LIX1: variants seen among roughly 807,000 people sequenced by gnomAD.
The protein encoded by LIX1 is protein limb expression 1 homolog.
Under a neutral mutation model 33.4 loss-of-function variants are expected in LIX1, and 24 were observed. That is an observed-to-expected ratio of 0.72 (90% CI 0.52 to 1.01). The LOEUF (loss-of-function observed/expected upper bound fraction) is 1.01. Among genes scored for constraint, LIX1 ranks in the 50% least tolerant of loss-of-function variants. The pLI, the probability that LIX1 is intolerant of heterozygous loss-of-function variation, is 0.00. For synonymous variants in LIX1, 124 were observed against 124.0 expected (o/e 1.00, Z 0.00); for missense variants, 311 against 339.2 (o/e 0.92, Z 0.65).
At chr5:97,141,748 A>G (rs569522740) in intron 1 of LIX1, among the ~76,000 whole-genome samples, 1 of 152,362 alleles carries the variant, frequency 6.6e-6, no homozygotes, top group African/African-American at 2.4e-5. Context: ...AAGATACAAC[A>G]TGAAGATAGT....
At chr5:97,111,118 T>C (rs1299418421) in intron 2 of LIX1, among the ~76,000 whole-genome samples, 1 of 152,148 alleles carries the variant, frequency 6.6e-6, no homozygotes, top group Non-Finnish European at 1.5e-5. Context: ...CACTGCAGTG[T>C]AACTGTTTGC....
intron 1 of LIX1, among the ~76,000 whole-genome samples, chr5:97,135,620 A>G (rs759459364): frequency 5.9e-5 from 9 of 152,222 alleles, no homozygotes; most frequent in Non-Finnish European, 1.0e-4. Flanking sequence ...GGAGTTTGAG[A>G]CCAGACTGGC....
At chr5:97,105,370 A>G in intron 3 of LIX1, 85 bp from the exon 4 acceptor site, 2 of 1,141,418 alleles carry the variant, frequency 1.8e-6, no homozygotes, top group Non-Finnish European at 2.6e-6. Flanking sequence ...GTGACCACAC[A>G]GTAAGCCTAT....
intron 1 of LIX1, among the ~76,000 whole-genome samples, chr5:97,136,064 A>G (rs186598016): frequency 2.3e-4 from 35 of 152,320 alleles, no homozygotes; most frequent in Non-Finnish European, 4.3e-4. Flanking sequence ...CAAGGCACAG[A>G]GTTTGGCTCT....
chr5:97,127,353 T>C (rs1220069435), intron 1 of LIX1, among the ~76,000 whole-genome samples: 1 of 152,204 alleles, frequency 6.6e-6, no homozygotes. Context: ...AGGTATGCAC[T>C]AAGTCGATTT....
rs1408074539 is a variant in LIX1, at chr5:97,105,218, T to C, written c.455A>G (p.Asn152Ser). 12 of 1,614,128 alleles carry C rather than the reference T, an allele frequency of 7.4e-6. No homozygotes were observed. The highest frequency in any genetic ancestry group is 9.3e-6 in the Non-Finnish European group (11 of 1,179,970). The change falls in exon 4 of 6, where the codon AAC (asparagine) becomes AGC (serine). Residue 152 changes from asparagine to serine, a missense_variant. Asn to Ser is a conservative substitution (Grantham distance 46, BLOSUM62 1). Transcript: ENST00000274382. ...AAACTCCAGCATAGTCTTCCCCATG[T>C]TTGACTCCAGCATGTAGTGATAGGC... ...VGAYHYMLES[N>S]MGKTMLEFQE...
chr5:97,130,256 C>T (rs933147376), intron 1 of LIX1, among the ~76,000 whole-genome samples: 17 of 152,360 alleles, frequency 1.1e-4, no homozygotes, highest in Non-Finnish European at 2.1e-4. Flanking sequence ...AGCCTTCTGG[C>T]AAGGCCAGGT....
chr5:97,109,384 G>C (rs1217052165), intron 2 of LIX1, among the ~76,000 whole-genome samples: 1 of 151,976 alleles, frequency 6.6e-6, no homozygotes, highest in Non-Finnish European at 1.5e-5. Context: ...CTCCTGAGTA[G>C]CTGGGTCTAC....
chr5:97,121,710 G>A (rs1364134605), intron 2 of LIX1, among the ~76,000 whole-genome samples: 1 of 152,056 alleles, frequency 6.6e-6, no homozygotes, highest in East Asian at 1.9e-4. Flanking sequence ...TGCTTGAATT[G>A]TTTTGTTCTT....
intron 3 of LIX1, among the ~76,000 whole-genome samples, chr5:97,106,618 A>G (rs2112765009): frequency 6.6e-6 from 1 of 152,322 alleles, no homozygotes; most frequent in Middle Eastern, 3.4e-3. Flanking sequence ...ACAGGTGGGG[A>G]CTGAAGGCTT....
At chr5:97,105,780 A>AT (rs375645459) in intron 3 of LIX1, among the ~76,000 whole-genome samples, 1 of 152,080 alleles carries the variant, frequency 6.6e-6, no homozygotes, top group Admixed American at 6.5e-5. Flanking sequence ...CATGGTTTAT[A>AT]TTTTTTCAGT....
At chr5:97,111,593 C>A (rs572032494) in intron 2 of LIX1, among the ~76,000 whole-genome samples, 2 of 152,308 alleles carry the variant, frequency 1.3e-5, no homozygotes, top group African/African-American at 4.8e-5. Flanking sequence ...TTTACAAAAT[C>A]TATCATAGAG....
At position 97,128,382 on chromosome 5, in the gene LIX1, G is replaced by A. The variant is rs528828957; in HGVS notation, c.83-3753C>T. Reference sequence around the variant, plus strand: ...ATCTCTTCCTGATCATTTCTCCTTGGTGTCTTTTGTGGATTTCTCTTCCTC... The same window carrying A: ...ATCTCTTCCTGATCATTTCTCCTTGATGTCTTTTGTGGATTTCTCTTCCTC... On this transcript the variant is annotated intron_variant, in intron 1 of 5. Coordinates refer to ENST00000274382, the MANE Select transcript of LIX1 (RefSeq NM_153234.5). 3.3e-5 allele frequency among the ~76,000 whole-genome samples: 5 copies of A among 152,032 alleles called. No homozygotes were observed. The South Asian group carries it at 1.0e-3, about 32-fold the overall frequency.
chr5:97,112,306 A>G (rs1265718033), intron 2 of LIX1, among the ~76,000 whole-genome samples: 2 of 152,234 alleles, frequency 1.3e-5, no homozygotes, highest in Non-Finnish European at 1.5e-5. Context: ...TAAAGTTACT[A>G]TCAAACAGTG....
chr5:97,124,506 T>TA lies in LIX1; in HGVS notation c.205dup (p.Tyr69LeufsTer19). 6.2e-7 allele frequency: 1 copy of TA among 1,607,924 alleles called. No individual in the cohort carries two copies. Among genetic ancestry groups the TA allele is most frequent in the Non-Finnish European group, 8.5e-7 (1 of 1,176,490 alleles). The stretch of plus-strand genomic sequence containing the variant: ...ACAGCTTCCCCCTGGGAGGGTCACG[T>TA]AACTCACAAAGGGAGGCCCAGGAGC... On this transcript the variant is annotated frameshift_variant, in exon 2 of 6. Transcript: ENST00000274382. LOFTEE classifies it high-confidence loss of function.
intron 2 of LIX1, among the ~76,000 whole-genome samples, chr5:97,122,875 T>C (rs187951537): frequency 1.3e-5 from 2 of 152,320 alleles, no homozygotes; most frequent in African/African-American, 4.8e-5. Flanking sequence ...CTAACAACTG[T>C]AATCTACTGT....
chr5:97,113,063 A>G (rs963227908), intron 2 of LIX1, among the ~76,000 whole-genome samples: 1 of 152,236 alleles, frequency 6.6e-6, no homozygotes, highest in African/African-American at 2.4e-5. Flanking sequence ...TTATAAGAGA[A>G]GAGAAGTGGA....
chr5:97,103,653 T>C (rs1162490828), intron 4 of LIX1, among the ~76,000 whole-genome samples: 1 of 152,200 alleles, frequency 6.6e-6, no homozygotes, highest in Admixed American at 6.5e-5. Context: ...AGTAAGACCT[T>C]GGCCACTTAA....
intron 2 of LIX1, among the ~76,000 whole-genome samples, chr5:97,110,876 A>C (rs114644370): frequency 7.0e-4 from 107 of 152,246 alleles, no homozygotes; most frequent in Non-Finnish European, 8.8e-5. Flanking sequence ...AGCTTTAGAC[A>C]GCAAGGCCAT....
Sources: gnomAD v4.1 joint callset for allele counts (sites outside exome capture counted in the v4.1 genomes callset) on GRCh38, gnomAD v4.1.1 for gene constraint, MANE v1.5 for transcripts, NCBI Gene and HGNC (gene_info 2026-07-23, HGNC 2026-07-21) for gene names.